ADGRB3: variants seen among roughly 807,000 people sequenced by gnomAD.
ADGRB3 encodes adhesion G protein-coupled receptor B3.
ADGRB3 carries 37 observed loss-of-function variants against 193.4 expected under a neutral mutation model. The ratio of observed to expected loss-of-function variants is 0.19; its 90% CI spans 0.15 to 0.25. ADGRB3 has a LOEUF of 0.25. ADGRB3 is among the 10% of genes least tolerant of loss of function. The pLI is 1.00. For synonymous variants in ADGRB3, 690 were observed against 644.2 expected, an observed-to-expected ratio of 1.07 and a Z score of -1.08; for missense variants, 1,637 against 1,852.9, an observed-to-expected ratio of 0.88 and a Z score of 2.14.
chr6:69,324,970 T>C lies in ADGRB3; in HGVS notation c.2913T>C (p.Thr971=), dbSNP rs2127309060. 6.2e-7 allele frequency: 1 copy of C among 1,613,930 alleles called. No individual in the cohort carries two copies. Among genetic ancestry groups the C allele is most frequent in the East Asian group, 2.2e-5 (1 of 44,844 alleles). Residue 971 remains threonine (T), a synonymous_variant, in exon 21 of 32, where the codon ACT becomes ACC. Coordinates refer to ENST00000370598, the MANE Select transcript of ADGRB3 (RefSeq NM_001704.3). ...TEAWQSYMAV[T]GKIRTRLIRK... ...CGTGGCAATCATATATGGCTGTAAC[T>C]GGAAAAATTAGGACACGGCTTATAA...
At chr6:69,233,439 GGCTTTAACGCAAAGACA>G in intron 18 of ADGRB3, 23 bp downstream of exon 18, 5 of 1,613,382 alleles carry the variant, frequency 3.1e-6, no homozygotes, top group African/African-American at 2.7e-5. Context: ...GGGAAAACAC[GGCTTTAACGCAAAGACA>G]GGGATATTGT....
At chr6:68,694,813 T>A (rs1582128943) in intron 3 of ADGRB3, among the ~76,000 whole-genome samples, 1 of 152,064 alleles carries the variant, frequency 6.6e-6, no homozygotes, top group Non-Finnish European at 1.5e-5. Flanking sequence ...AGGCCAGGGT[T>A]CCTGTCTTTG....
At position 69,224,279 on chromosome 6, in the gene ADGRB3, G is replaced by A. The variant is rs946403994; in HGVS notation, c.2481-9011G>A. Among the ~76,000 whole-genome samples the A allele has an allele frequency of 1.1e-4, 16 of 152,078 alleles. 1 individual carries two copies. Among genetic ancestry groups the A allele is most frequent in the East Asian group, 5.8e-4 (3 of 5,172 alleles). ...TATGTTATAAATTTTACAATGGTCC[G>A]GTCAAATCTCTGGAGTGGCTTTTTG... On this transcript the variant is annotated intron_variant, in intron 17 of 31. Transcript: ENST00000370598.
At chr6:68,904,797 A>G (rs1435875505) in intron 3 of ADGRB3, among the ~76,000 whole-genome samples, 1 of 152,154 alleles carries the variant, frequency 6.6e-6, no homozygotes, top group Non-Finnish European at 1.5e-5. Flanking sequence ...CTCCTTTCAT[A>G]TCTCTCTCAT....
intron 3 of ADGRB3, among the ~76,000 whole-genome samples, chr6:68,741,806 AAC>A (rs1765988542): frequency 6.6e-6 from 1 of 152,214 alleles, no homozygotes; most frequent in Non-Finnish European, 1.5e-5. Context: ...TTACAACCTA[AAC>A]ATTTTTGCTT....
chr6:69,372,175 C>A (rs1769720237), intron 29 of ADGRB3, among the ~76,000 whole-genome samples: 1 of 151,870 alleles, frequency 6.6e-6, no homozygotes, highest in Non-Finnish European at 1.5e-5. Flanking sequence ...TTTTTATATT[C>A]TCCAATTTTA....
rs1769980335 is a variant in ADGRB3 at position 69,382,817 on chromosome 6, G to A, written c.4276-14G>A. 6.4e-7 allele frequency: 1 copy of A among 1,564,086 alleles called. No individual in the cohort carries two copies. The highest frequency in any genetic ancestry group is 1.1e-5 in the South Asian group (1 of 87,232). ...TCAAGTTGGGGATGAGAGCTATCTTGTTCTTTTTTGCAGAAGGTCATGCAT... is the reference window on the plus strand; with the variant it reads ...TCAAGTTGGGGATGAGAGCTATCTTATTCTTTTTTGCAGAAGGTCATGCAT... On this transcript the variant is annotated splice_polypyrimidine_tract_variant and intron_variant, in intron 30 of 31. Coordinates refer to ENST00000370598, the MANE Select transcript of ADGRB3 (RefSeq NM_001704.3).
rs546252226 is a variant in ADGRB3, at chr6:68,897,785, A to G, written c.758-32774A>G. On this transcript the variant is annotated intron_variant, in intron 3 of 31. Coordinates refer to ENST00000370598, the MANE Select transcript of ADGRB3 (RefSeq NM_001704.3). Reference sequence around the variant, plus strand: ...AAAGGGAGGGAGGAAGGAAGGAAGGAAGGGGGAAAGAGAAACAGAAAGAAA... The same window carrying G: ...AAAGGGAGGGAGGAAGGAAGGAAGGGAGGGGGAAAGAGAAACAGAAAGAAA... Among the ~76,000 whole-genome samples the G allele has an allele frequency of 2.8e-3, 411 of 147,056 alleles. 3 individuals carry two copies. The highest frequency in any genetic ancestry group is 0.01 in the African/African-American group (402 of 39,978).
intron 17 of ADGRB3, among the ~76,000 whole-genome samples, chr6:69,189,379 T>C (rs949616802): frequency 6.6e-6 from 1 of 152,184 alleles, no homozygotes. Context: ...AAATTTCTAC[T>C]TTTGTCCACA....
intron 20 of ADGRB3, among the ~76,000 whole-genome samples, chr6:69,298,121 T>C (rs190728622): frequency 6.6e-6 from 1 of 152,152 alleles, no homozygotes; most frequent in African/African-American, 2.4e-5. Flanking sequence ...CAAGGAAGAC[T>C]TTTCATCTAA....
intron 15 of ADGRB3, among the ~76,000 whole-genome samples, chr6:69,059,399 T>A (rs906691235): frequency 1.3e-5 from 2 of 152,158 alleles, no homozygotes; most frequent in Non-Finnish European, 2.9e-5. Flanking sequence ...TTTTAATCAC[T>A]TTTTATACTC....
intron 3 of ADGRB3, among the ~76,000 whole-genome samples, chr6:68,797,148 C>G (rs1242841565): frequency 6.6e-6 from 1 of 152,126 alleles, no homozygotes; most frequent in Non-Finnish European, 1.5e-5. Context: ...TTCATTCATT[C>G]TGCACCCATG....
intron 17 of ADGRB3, among the ~76,000 whole-genome samples, chr6:69,078,586 T>G (rs1450090433): frequency 6.6e-6 from 1 of 152,048 alleles, no homozygotes; most frequent in East Asian, 1.9e-4. Context: ...TATATCAAAG[T>G]TGATTTACTA....
intron 17 of ADGRB3, among the ~76,000 whole-genome samples, chr6:69,142,296 T>C (rs761109396): frequency 1.3e-5 from 2 of 152,206 alleles, no homozygotes; most frequent in Non-Finnish European, 2.9e-5. Flanking sequence ...TAATTTAGAA[T>C]AGTCTCAAAA....
intron 17 of ADGRB3, among the ~76,000 whole-genome samples, chr6:69,160,997 C>G (rs1774970474): frequency 6.6e-6 from 1 of 152,032 alleles, no homozygotes; most frequent in South Asian, 2.1e-4. Flanking sequence ...CTTAATTTTA[C>G]CAGTTACTAG....
At chr6:68,846,384 C>T (rs1263853096) in intron 3 of ADGRB3, among the ~76,000 whole-genome samples, 3 of 152,172 alleles carry the variant, frequency 2.0e-5, no homozygotes, top group African/African-American at 7.2e-5. Context: ...ATCTTACTCC[C>T]CAAGATTATG....
intron 3 of ADGRB3, among the ~76,000 whole-genome samples, chr6:68,672,812 C>T (rs1194964592): frequency 6.6e-6 from 1 of 152,064 alleles, no homozygotes; most frequent in Non-Finnish European, 1.5e-5. Context: ...GCAGATTACT[C>T]TCCATAATAT....
chr6:69,324,088 A>G (rs1768517663), intron 20 of ADGRB3, among the ~76,000 whole-genome samples: 1 of 152,134 alleles, frequency 6.6e-6, no homozygotes, highest in African/African-American at 2.4e-5. Context: ...TGAAAAAAGT[A>G]GCAACCTTTA....
intron 6 of ADGRB3, among the ~76,000 whole-genome samples, chr6:68,944,320 T>C (rs539634962): frequency 1.3e-4 from 20 of 152,174 alleles, no homozygotes; most frequent in Non-Finnish European, 2.6e-4. Flanking sequence ...AGATTAATTA[T>C]TGCCTTCACA....
Sources: allele counts gnomAD v4.1 joint callset (sites outside exome capture counted in the v4.1 genomes callset), GRCh38; gene constraint gnomAD v4.1.1; transcripts MANE v1.5; gene names NCBI Gene and HGNC (gene_info 2026-07-23, HGNC 2026-07-21).